TFAP2D: variants seen among roughly 807,000 people sequenced by gnomAD.
TFAP2D encodes the protein transcription factor AP-2-delta.
Under a neutral mutation model 43.6 loss-of-function variants are expected in TFAP2D, and 9 were observed. That is an observed-to-expected ratio of 0.21 (90% CI 0.12 to 0.36). The LOEUF is 0.36. TFAP2D is among the 10% of genes least tolerant of loss of function. The probability of loss-of-function intolerance (pLI) is 1.00; values close to 1 mark genes in which losing one functional copy is unlikely to be tolerated. For synonymous variants in TFAP2D, 256 were observed against 224.9 expected (o/e 1.14, Z -1.24); for missense variants, 513 against 561.4 (o/e 0.91, Z 0.87).
intron 7 of TFAP2D, among the ~76,000 whole-genome samples, chr6:50,772,053 T>TA (rs1769536361): frequency 6.6e-6 from 1 of 152,174 alleles, no homozygotes; most frequent in South Asian, 2.1e-4. Context: ...CATGGAATAC[T>TA]ATGCAGCCAT....
chr6:50,764,534 T>G (rs1043558668), intron 7 of TFAP2D, among the ~76,000 whole-genome samples: 7 of 152,188 alleles, frequency 4.6e-5, no homozygotes, highest in Non-Finnish European at 1.0e-4. Context: ...GCAATGAAAC[T>G]ACATTTATAT....
At chr6:50,717,068 G>GA (rs1208836194) in intron 2 of TFAP2D, among the ~76,000 whole-genome samples, 5 of 152,000 alleles carry the variant, frequency 3.3e-5, no homozygotes, top group South Asian at 4.2e-4. Flanking sequence ...TCTCAAGAGG[G>GA]AAAAAAATCT....
In TFAP2D at chr6:50,715,604, C is replaced by G. The variant is rs573515296; in HGVS notation, c.528C>G (p.Asp176Glu). ...TGGGGCTGGCCGCCGCGGGAGCAGA[C>G]GACTTGCAGGTAAATAAGCATGCAG... ...PSLGLAAAGA[D>E]DLQGSVEAQC... Residue 176 changes from aspartate to glutamate, a missense_variant, in exon 2 of 8, where the codon GAC (aspartate) becomes GAG (glutamate). Asp to Glu is a conservative substitution (Grantham distance 45). Transcript: ENST00000008391. The G allele has an allele frequency of 2.1e-5, 34 of 1,593,772 alleles. No homozygotes were observed. Among genetic ancestry groups the G allele is most frequent in the Non-Finnish European group, 2.7e-5 (32 of 1,169,208 alleles).
intron 5 of TFAP2D, among the ~76,000 whole-genome samples, chr6:50,744,656 C>T (rs1769098854): frequency 6.6e-6 from 1 of 152,126 alleles, no homozygotes; most frequent in Non-Finnish European, 1.5e-5. Flanking sequence ...GTTATATGGA[C>T]CCTTCGCAGG....
chr6:50,747,935 C>T (rs535932054), intron 6 of TFAP2D, among the ~76,000 whole-genome samples: 5 of 151,998 alleles, frequency 3.3e-5, no homozygotes, highest in Non-Finnish European at 5.9e-5. Context: ...TCTGTCTGCT[C>T]ATAGCTGCAC....
At chr6:50,723,903 C>T (rs1768767961) in intron 3 of TFAP2D, among the ~76,000 whole-genome samples, 1 of 152,176 alleles carries the variant, frequency 6.6e-6, no homozygotes, top group East Asian at 1.9e-4. Flanking sequence ...AGTCTCTTCA[C>T]GCACACCTCT....
At chr6:50,735,475 C>A (rs1263628012) in intron 5 of TFAP2D, among the ~76,000 whole-genome samples, 1 of 152,150 alleles carries the variant, frequency 6.6e-6, no homozygotes, top group Non-Finnish European at 1.5e-5. Flanking sequence ...ACTTTGTTCA[C>A]TAGTACAGGG....
intron 2 of TFAP2D, among the ~76,000 whole-genome samples, chr6:50,717,381 G>C (rs1201336007): frequency 6.6e-6 from 1 of 152,210 alleles, no homozygotes; most frequent in African/African-American, 2.4e-5. Flanking sequence ...AAGAAACCAA[G>C]ATTCGTTTCT....
chr6:50,722,858 A>G (rs1047100546), intron 3 of TFAP2D, among the ~76,000 whole-genome samples: 2 of 152,108 alleles, frequency 1.3e-5, no homozygotes, highest in East Asian at 1.9e-4. Flanking sequence ...AAAAGTGAAG[A>G]GGGGAAGCGC....
chr6:50,714,300 A>C (rs1310986889), intron 1 of TFAP2D, among the ~76,000 whole-genome samples: 3 of 151,708 alleles, frequency 2.0e-5, no homozygotes, highest in Non-Finnish European at 4.4e-5. Flanking sequence ...AGGGAGGGCA[A>C]CTCTCTGCCA....
chr6:50,719,112 G>A lies in TFAP2D; in HGVS notation c.560G>A (p.Gly187Glu). 6.2e-7 allele frequency: 1 copy of A among 1,613,894 alleles called. No homozygotes were observed. The highest frequency in any genetic ancestry group is 8.5e-7 in the Non-Finnish European group (1 of 1,179,898). ...DLQGSVEAQC[G>E]LVLNGQGGVI... Reference sequence around the variant, plus strand: ...AAGGGCTCTGTGGAGGCCCAGTGTGGGCTTGTTCTCAATGGCCAAGGTGGA... The same window carrying A: ...AAGGGCTCTGTGGAGGCCCAGTGTGAGCTTGTTCTCAATGGCCAAGGTGGA... Residue 187 changes from glycine to glutamate, a missense_variant, in exon 3 of 8, where the codon GGG (glycine) becomes GAG (glutamate). Around this residue, in one of 3 missense-constraint regions of TFAP2D, gnomAD observed 311 missense variants for 316.2 expected, o/e 0.98. Coordinates refer to ENST00000008391, the MANE Select transcript of TFAP2D (RefSeq NM_172238.4).
At chr6:50,770,848 TAATGGCTTTATTAA>T (rs1769516706) in intron 7 of TFAP2D, among the ~76,000 whole-genome samples, 1 of 152,168 alleles carries the variant, frequency 6.6e-6, no homozygotes, top group South Asian at 2.1e-4. Flanking sequence ...CTTTAGCAGT[TAATGGCTTTATTAA>T]ATGTACTATA....
chr6:50,730,827 T>C (rs2114039516), intron 5 of TFAP2D, among the ~76,000 whole-genome samples: 1 of 152,220 alleles, frequency 6.6e-6, no homozygotes, highest in South Asian at 2.1e-4. Context: ...TTCTGATGTA[T>C]AGTGGTGTTT....
intron 7 of TFAP2D, among the ~76,000 whole-genome samples, chr6:50,757,086 T>A (rs1370958098): frequency 6.6e-6 from 1 of 151,678 alleles, no homozygotes; most frequent in African/African-American, 2.4e-5. Flanking sequence ...ATGAGAAAAC[T>A]TTTTTTCTCA....
chr6:50,747,309 A>G (rs899173262), intron 6 of TFAP2D, among the ~76,000 whole-genome samples: 2 of 152,180 alleles, frequency 1.3e-5, no homozygotes, highest in Non-Finnish European at 2.9e-5. Flanking sequence ...TTACAGATCA[A>G]GAGAATTATA....
chr6:50,716,720 C>A (rs968754630), intron 2 of TFAP2D, among the ~76,000 whole-genome samples: 1 of 152,186 alleles, frequency 6.6e-6, no homozygotes, highest in African/African-American at 2.4e-5. Flanking sequence ...AAGTGCAGTT[C>A]TACCTGTGAG....
chr6:50,761,665 GT>G lies in TFAP2D; in HGVS notation c.1139+10344del, dbSNP rs774146791. ...TGCTTTACTGGTCTAATTTAAATTAGTTTAGACAAATCAATTAAAGTAAAGA... is the reference window on the plus strand; with the variant it reads ...TGCTTTACTGGTCTAATTTAAATTAGTTAGACAAATCAATTAAAGTAAAGA... On this transcript the variant is annotated intron_variant, in intron 7 of 7. Transcript: ENST00000008391. Among the ~76,000 whole-genome samples, 5 of 152,136 alleles carry G rather than the reference GT, an allele frequency of 3.3e-5. No homozygotes were observed. The East Asian group carries it at 5.8e-4, about 18-fold the overall frequency.
chr6:50,718,108 C>T (rs1768656124), intron 2 of TFAP2D: 1 of 150,614 alleles, frequency 6.6e-6, no homozygotes, highest in African/African-American at 2.5e-5. Flanking sequence ...TTAATTTATG[C>T]TCAGTCTCCA....
intron 7 of TFAP2D, among the ~76,000 whole-genome samples, chr6:50,766,762 G>A (rs1265504756): frequency 3.6e-5 from 5 of 137,998 alleles, no homozygotes; most frequent in Non-Finnish European, 7.6e-5. Flanking sequence ...TCCGCTTCCC[G>A]GGTTCACGCC....
Sources: gnomAD v4.1 joint callset for allele counts (sites outside exome capture counted in the v4.1 genomes callset) on GRCh38, gnomAD v4.1.1 for gene constraint, gnomAD v4.1.1 regional missense constraint, MANE v1.5 for transcripts, NCBI Gene and HGNC (gene_info 2026-07-23, HGNC 2026-07-21) for gene names.